The following PPP3CA variants were observed in gnomAD, a reference collection of about 807,000 sequenced individuals.
PPP3CA encodes CAM-PRP catalytic subunit.
A neutral mutation model predicts 66.5 loss-of-function variants in PPP3CA; 14 were observed. The ratio of observed to expected loss-of-function variants is 0.21; its 90% CI spans 0.14 to 0.33. The LOEUF (loss-of-function observed/expected upper bound fraction) is 0.33. Among genes scored for constraint, PPP3CA ranks in the 10% least tolerant of loss-of-function variants. PPP3CA has a pLI of 1.00. For missense variants in PPP3CA, 317 were observed against 639.5 expected, an observed-to-expected ratio of 0.50 and a Z score of 5.44; for synonymous variants, 232 against 226.2, an observed-to-expected ratio of 1.03 and a Z score of -0.23.
At chr4:101,187,280 G>A (rs142755880) in intron 2 of PPP3CA, among the ~76,000 whole-genome samples, 204 of 152,082 alleles carry the variant, frequency 1.3e-3, no homozygotes, top group Non-Finnish European at 2.3e-3. Flanking sequence ...GACTGAACCA[G>A]AAGTTTGAAA....
chr4:101,068,909 C>T (rs28668844), intron 8 of PPP3CA, among the ~76,000 whole-genome samples: 9,694 of 152,058 alleles, frequency 0.064, 354 homozygotes, highest in African/African-American at 0.094. Flanking sequence ...AGACTTCAAG[C>T]CTTAAATTTT....
intron 1 of PPP3CA, among the ~76,000 whole-genome samples, chr4:101,213,692 G>A (rs189543215): frequency 7.2e-5 from 11 of 152,120 alleles, no homozygotes; most frequent in Non-Finnish European, 1.3e-4. Context: ...CACAGTGTTC[G>A]TTTTATAGAT....
chr4:101,249,104 G>A (rs183894737), intron 1 of PPP3CA, among the ~76,000 whole-genome samples: 1 of 151,784 alleles, frequency 6.6e-6, no homozygotes, highest in South Asian at 2.1e-4. Context: ...AGCTTGCAGT[G>A]AGCCGAGATT....
Position 101,346,791 on chromosome 4 carries a change from G to A in PPP3CA, c.6C>T (p.Ser2=). Residue 2 remains serine, a synonymous_variant, in exon 1 of 14, where the codon TCC becomes TCT. Coordinates refer to ENST00000394854, the MANE Select transcript of PPP3CA (RefSeq NM_000944.5). M[S]EPKAIDPKLS... is the part of the protein sequence containing the mutation. The stretch of plus-strand genomic sequence containing the variant: ...ACTTGGGATCAATTGCCTTGGGCTC[G>A]GACATCTCCAGCTGCCGGAGGACAG... 6.2e-7 allele frequency: 1 copy of A among 1,611,100 alleles called. No homozygotes were observed. The highest frequency in any genetic ancestry group is 8.5e-7 in the Non-Finnish European group (1 of 1,179,020).
chr4:101,196,315 G>A (rs1724790679), intron 1 of PPP3CA, among the ~76,000 whole-genome samples, 199 bp from the exon 2 acceptor site: 1 of 152,192 alleles, frequency 6.6e-6, no homozygotes, highest in Non-Finnish European at 1.5e-5. Context: ...TAATGTGATT[G>A]CTTAAACAAA....
intron 12 of PPP3CA, among the ~76,000 whole-genome samples, chr4:101,030,320 T>TA (rs1468937109): frequency 6.6e-6 from 1 of 152,172 alleles, no homozygotes; most frequent in Non-Finnish European, 1.5e-5. Context: ...ATAACTTACT[T>TA]ACGGTGGATT....
intron 2 of PPP3CA, among the ~76,000 whole-genome samples, chr4:101,116,288 T>C (rs1721836474): frequency 6.6e-6 from 1 of 151,920 alleles, no homozygotes; most frequent in Admixed American, 6.6e-5. Context: ...TTCAACCCAG[T>C]GTTTTTTCCA....
intron 2 of PPP3CA, among the ~76,000 whole-genome samples, chr4:101,115,693 T>C (rs759574938): frequency 1.3e-5 from 2 of 151,796 alleles, no homozygotes; most frequent in South Asian, 4.1e-4. Flanking sequence ...GAATAGAAGA[T>C]ACAAAACCAA....
intron 1 of PPP3CA, among the ~76,000 whole-genome samples, chr4:101,211,417 A>C (rs1006655500): frequency 3.3e-5 from 5 of 152,206 alleles, no homozygotes; most frequent in African/African-American, 4.8e-5. Flanking sequence ...TATGATTCAC[A>C]TCTCACCACA....
chr4:101,202,243 T>C (rs1358063963), intron 1 of PPP3CA, among the ~76,000 whole-genome samples: 1 of 152,170 alleles, frequency 6.6e-6, no homozygotes, highest in African/African-American at 2.4e-5. Context: ...GAAGTTGTTT[T>C]TAACTTATGA....
chr4:101,030,481 T>C (rs56021079), intron 12 of PPP3CA, among the ~76,000 whole-genome samples: 14,778 of 152,092 alleles, frequency 0.097, 1,457 homozygotes, highest in African/African-American at 0.25. Flanking sequence ...GTTTAAAATA[T>C]ATAGTAAGTT....
intron 12 of PPP3CA, 152 bp from the exon 13 acceptor site, chr4:101,029,347 T>C: frequency 1.3e-5 from 1 of 74,374 alleles, no homozygotes; most frequent in Admixed American, 2.0e-4. Context: ...ACAGAAATGC[T>C]AAAAAAAAAA....
intron 1 of PPP3CA, among the ~76,000 whole-genome samples, chr4:101,305,062 G>A (rs1427662260): frequency 2.0e-5 from 3 of 152,190 alleles, no homozygotes; most frequent in Non-Finnish European, 4.4e-5. Flanking sequence ...AAAGATGCTG[G>A]GGAGACATTC....
intron 1 of PPP3CA, among the ~76,000 whole-genome samples, chr4:101,243,799 C>T (rs1210602758): frequency 6.6e-6 from 1 of 152,160 alleles, no homozygotes; most frequent in Non-Finnish European, 1.5e-5. Flanking sequence ...AATCCCAGTT[C>T]TTCTCTACAT....
intron 8 of PPP3CA, among the ~76,000 whole-genome samples, chr4:101,076,149 A>G (rs1292012414): frequency 6.6e-6 from 1 of 152,180 alleles, no homozygotes. Flanking sequence ...TCACAGGAGA[A>G]AATTCAACAA....
At chr4:101,046,190 T>C (rs539623343) in intron 10 of PPP3CA, among the ~76,000 whole-genome samples, 1 of 150,752 alleles carries the variant, frequency 6.6e-6, no homozygotes, top group Admixed American at 6.6e-5. Context: ...GATTTTGTTT[T>C]AAAAGTCTAA....
At chr4:101,124,190 T>C (rs933625636) in intron 2 of PPP3CA, among the ~76,000 whole-genome samples, 2 of 152,222 alleles carry the variant, frequency 1.3e-5, no homozygotes, top group Admixed American at 6.5e-5. Context: ...GTCCCAATTT[T>C]ACATCTGTAG....
chr4:101,205,683 G>T (rs1195363702), intron 1 of PPP3CA, among the ~76,000 whole-genome samples: 2 of 151,910 alleles, frequency 1.3e-5, no homozygotes, highest in Non-Finnish European at 2.9e-5. Context: ...CATCCTCTGT[G>T]GTTAAAACAC....
In PPP3CA at chr4:101,346,979, T is replaced by TCCG. The variant is rs1418831398; in HGVS notation, c.-186_-184dup. 1.7e-5 allele frequency: 11 copies of TCCG among 646,472 alleles called. No individual in the cohort carries two copies. The highest frequency in any genetic ancestry group is 3.1e-5 in the East Asian group (1 of 32,694). 40.0% of individuals were successfully genotyped at this position (646,472 alleles called of 1,614,324 possible). A position where few individuals can be genotyped will look rare whatever the true frequency, so the allele number is the denominator to read the frequency against. ...TGCTGCCTTTTCCGCGCGTCCCTCC[T>TCCG]CCGCCGCCGCCGCCTTCACTCCTCC... On this transcript the variant is annotated 5_prime_UTR_variant, in exon 1 of 14. Transcript: ENST00000394854.
Sources: gnomAD v4.1 joint callset for allele counts (sites outside exome capture counted in the v4.1 genomes callset) on GRCh38, gnomAD v4.1.1 for gene constraint, MANE v1.5 for transcripts, NCBI Gene and HGNC (gene_info 2026-07-23, HGNC 2026-07-21) for gene names.